LCT: variants seen among roughly 807,000 people sequenced by gnomAD.
LCT encodes the protein lactase, also known as lactase/phlorizin hydrolase.
A neutral mutation model predicts 173.0 loss-of-function variants in LCT; 90 were observed. That is an observed-to-expected ratio of 0.52 (90% CI 0.44 to 0.62). The LOEUF (loss-of-function observed/expected upper bound fraction) is 0.62. Ranked by LOEUF, LCT falls within the 20% of genes least tolerant of loss-of-function variation. The probability of loss-of-function intolerance (pLI) is 0.00; values close to 1 mark genes in which losing one functional copy is unlikely to be tolerated. For synonymous variants in LCT, 853 were observed against 957.6 expected, an observed-to-expected ratio of 0.89 and a Z score of 2.02; for missense variants, 1,864 against 2,431.4, an observed-to-expected ratio of 0.77 and a Z score of 4.91.
In LCT at chr2:135,829,635, G is replaced by A; in HGVS notation, c.762C>T (p.Cys254=). The A allele has an allele frequency of 6.2e-7, 1 of 1,613,860 alleles. No homozygotes were observed. The highest frequency in any genetic ancestry group is 8.5e-7 in the Non-Finnish European group (1 of 1,179,788). The change falls in exon 3 of 17, where the codon TGC becomes TGT. Residue 254 remains cysteine (C), a synonymous_variant. Transcript: ENST00000264162. ...TCTGCCGCAGACTTGCCTCATTTTG[G>A]CATTCATAAGACAAATCAAGAGAGA... ...DFLSLDLSYE[C]QNEASLRQKL...
chr2:135,823,303 T>C lies in LCT; in HGVS notation c.907+598A>G, dbSNP rs192152892. ...GTGACTGCCAGCCTCAATGCTATCA[T>C]AGACCCCACCTTTCCCCTGACTTGA... On this transcript the variant is annotated intron_variant, in intron 4 of 16. Coordinates refer to ENST00000264162, the MANE Select transcript of LCT (RefSeq NM_002299.4). Among the ~76,000 whole-genome samples the C allele has an allele frequency of 9.9e-4, 151 of 152,270 alleles. 2 individuals carry two copies. Among genetic ancestry groups the C allele is most frequent in the Admixed American group, 5.6e-3 (85 of 15,294 alleles).
chr2:135,793,971 CAAAAAAAA>C (rs34100426), intron 14 of LCT, among the ~76,000 whole-genome samples: 3 of 124,232 alleles, frequency 2.4e-5, no homozygotes, highest in South Asian at 2.6e-4. Context: ...TGCTAAAATA[CAAAAAAAA>C]AAAAAAAAAA....
intron 12 of LCT, among the ~76,000 whole-genome samples, chr2:135,799,883 G>A (rs2077611770): frequency 6.6e-6 from 1 of 152,220 alleles, no homozygotes; most frequent in South Asian, 2.1e-4. Flanking sequence ...TTTAAGAAAT[G>A]CCTAGGCTGG....
intron 13 of LCT, 61 bp downstream of exon 13, chr2:135,797,968 G>C: frequency 1.1e-6 from 1 of 921,148 alleles, no homozygotes. Context: ...TAACTTGCCC[G>C]AGACATGCCT....
At chr2:135,835,416 T>C (rs2077977800) in intron 1 of LCT, among the ~76,000 whole-genome samples, 1 of 145,790 alleles carries the variant, frequency 6.9e-6, no homozygotes, top group Non-Finnish European at 1.5e-5. Context: ...CATGCCTGGC[T>C]CAAGTTTTTA....
chr2:135,794,010 C>T (rs1318980841), intron 14 of LCT, among the ~76,000 whole-genome samples: 4 of 150,176 alleles, frequency 2.7e-5, no homozygotes, highest in African/African-American at 7.3e-5. Flanking sequence ...CGTGGAGGTA[C>T]GCGCCTGTAA....
At position 135,805,066 on chromosome 2, in the gene LCT, G is replaced by A. The variant is rs142467054; in HGVS notation, c.4174-9C>T. 153 of 1,613,828 alleles carry A rather than the reference G, an allele frequency of 9.5e-5. No homozygotes were observed. The highest frequency in any genetic ancestry group is 3.7e-4 in the African/African-American group (28 of 75,044). On this transcript the variant is annotated splice_polypyrimidine_tract_variant and intron_variant, in intron 9 of 16. Coordinates refer to ENST00000264162, the MANE Select transcript of LCT (RefSeq NM_002299.4). The stretch of plus-strand genomic sequence containing the variant: ...CTCCACGCACCTTCAATCTCAAGAT[G>A]ACAAGACATGGTCTTATTAAGTCAT...
chr2:135,833,889 C>T (rs2077961691), intron 1 of LCT, among the ~76,000 whole-genome samples: 1 of 152,178 alleles, frequency 6.6e-6, no homozygotes, highest in Admixed American at 6.5e-5. Flanking sequence ...TACCCCAGCC[C>T]CTGGCCTCTG....
At position 135,808,964 on chromosome 2, in the gene LCT, C is replaced by T. The variant is rs1265175689; in HGVS notation, c.3383G>A (p.Trp1128Ter). 6.2e-7 allele frequency: 1 copy of T among 1,613,476 alleles called. No homozygotes were observed. The highest frequency in any genetic ancestry group is 1.3e-5 in the African/African-American group (1 of 74,922). The change falls in exon 8 of 17, where the codon TGG becomes TAG. Residue 1128 changes from tryptophan (W) to a stop codon, truncating the protein, a stop_gained. Coordinates refer to ENST00000264162, the MANE Select transcript of LCT (RefSeq NM_002299.4). LOFTEE classifies it high-confidence loss of function. ...GVISLSLSTH[W>*]AEPKSPGVPR... ...GACCCCTGGTGACTTGGGCTCTGCC[C>T]AGTGTGTACTGAGGCTCAGCGAGAT...
chr2:135,822,636 C>T (rs2077843998), intron 4 of LCT: 1 of 167,676 alleles, frequency 6.0e-6, no homozygotes. Context: ...TTCAGATAAG[C>T]ATTATTAAAT....
intron 3 of LCT, among the ~76,000 whole-genome samples, chr2:135,824,680 T>G (rs556086748): frequency 7.9e-5 from 12 of 152,312 alleles, no homozygotes; most frequent in African/African-American, 2.9e-4. Flanking sequence ...TTTTTACTTT[T>G]GGATGTTAGA....
rs940172090 is a variant in LCT at position 135,808,708 on chromosome 2, G to A, written c.3639C>T (p.Ile1213=). Residue 1213 remains isoleucine, a synonymous_variant, in exon 8 of 17, where the codon ATC becomes ATT. Coordinates refer to ENST00000264162, the MANE Select transcript of LCT (RefSeq NM_002299.4). ...TTAGCCTGGGTGTTTTGTGCTGCACGATTCTGGAGTAGTACGTGTTGAGGC... is the reference window on the plus strand; with the variant it reads ...TTAGCCTGGGTGTTTTGTGCTGCACAATTCTGGAGTAGTACGTGTTGAGGC... The part of the protein sequence containing the change: ...VFCLNTYYSR[I]VQHKTPRLNP... 5 of 1,614,186 alleles carry A rather than the reference G, an allele frequency of 3.1e-6. No homozygotes were observed. Among genetic ancestry groups the A allele is most frequent in the East Asian group, 2.2e-5 (1 of 44,882 alleles).
rs1198586467 is a variant in LCT, at chr2:135,809,015, TTCTCA to T, written c.3327_3331del (p.Asp1109GlufsTer34). 3.1e-6 allele frequency: 5 copies of T among 1,611,482 alleles called. No individual in the cohort carries two copies. Among genetic ancestry groups the T allele is most frequent in the Non-Finnish European group, 3.4e-6 (4 of 1,178,160 alleles). On this transcript the variant is annotated frameshift_variant, in exon 8 of 17. Transcript: ENST00000264162. LOFTEE classifies it high-confidence loss of function. This position sits in a 1 kb window ranked among gnomAD's most constrained non-coding sequence, Gnocchi z 5.5. ...GACCCCCTTCTGCTCCTGCCTGTAT[TTCTCA>T]TCGTACGTGTGATAGACTCTGGCAT...
At position 135,788,072 on chromosome 2, in the gene LCT, T is replaced by C. The variant is rs540555930; in HGVS notation, c.*252A>G. 6 of 526,486 alleles carry C rather than the reference T, an allele frequency of 1.1e-5. No individual in the cohort carries two copies. In the East Asian group the frequency reaches 2.1e-4, roughly 18 times the overall value. 32.6% of individuals were successfully genotyped at this position (526,486 alleles called of 1,614,324 possible). ...GGTTCACAGACCCACTAGACCAGTA[T>C]CTACACGTTTCCGCAAGAGCTACTT... On this transcript the variant is annotated 3_prime_UTR_variant, in exon 17 of 17. Coordinates refer to ENST00000264162, the MANE Select transcript of LCT (RefSeq NM_002299.4).
chr2:135,812,825 C>A lies in LCT; in HGVS notation c.1839G>T (p.Arg613Ser). 1.2e-6 allele frequency: 2 copies of A among 1,614,210 alleles called. No individual in the cohort carries two copies. Among genetic ancestry groups the A allele is most frequent in the Non-Finnish European group, 1.7e-6 (2 of 1,180,042 alleles). Residue 613 changes from arginine to serine, a missense_variant, in exon 7 of 17, where the codon AGG (arginine) becomes AGT (serine). By Grantham distance (110) the Arg-to-Ser change is moderately radical. Transcript: ENST00000264162. ...GCTCAGAGGCTCTCAGGTCCTCAGG[C>A]CTCTCTGGAGACAGGGGTTCTGCCC... is the stretch of plus-strand genomic sequence containing the variant. Reference protein sequence around the residue: ...SDWAEPLSPERPEDLRASERF... With the variant: ...SDWAEPLSPESPEDLRASERF...
At position 135,809,287 on chromosome 2, in the gene LCT, A is replaced by G. The variant is rs1263459158; in HGVS notation, c.3060T>C (p.His1020=). 6 of 1,614,140 alleles carry G rather than the reference A, an allele frequency of 3.7e-6. No homozygotes were observed. The highest frequency in any genetic ancestry group is 2.5e-6 in the Non-Finnish European group (3 of 1,179,950). The part of the protein sequence containing the change: ...SNIFPMVTLF[H]WDLPQALQDI... ...CCTGGAGGGCCTGGGGCAGGTCCCA[A>G]TGGAACAATGTCACCATGGGAAAGA... is the stretch of plus-strand genomic sequence containing the variant. Residue 1020 remains histidine, a synonymous_variant, in exon 8 of 17, where the codon CAT becomes CAC. Coordinates refer to ENST00000264162, the MANE Select transcript of LCT (RefSeq NM_002299.4). The surrounding 1 kb of genome is among the most constrained non-coding windows in gnomAD (Gnocchi z 5.5).
rs2077507355 is a variant in LCT, at chr2:135,788,272, A to C, written c.*52T>G. On this transcript the variant is annotated 3_prime_UTR_variant, in exon 17 of 17. Coordinates refer to ENST00000264162, the MANE Select transcript of LCT (RefSeq NM_002299.4). ...ACCCTAAGGTGTTTGGTGGCCGGTA[A>C]ACATAGATGAAGAAACTAGGCCTGC... 7 of 1,339,834 alleles carry C rather than the reference A, an allele frequency of 5.2e-6. No homozygotes were observed. The highest frequency in any genetic ancestry group is 7.5e-6 in the Non-Finnish European group (7 of 938,278). 83.0% of individuals were successfully genotyped at this position (1,339,834 alleles called of 1,614,324 possible).
Position 135,808,692 on chromosome 2 carries a change from G to A in LCT, c.3655C>T (p.Pro1219Ser), listed in dbSNP as rs138785223. The A allele has an allele frequency of 1.4e-4, 224 of 1,614,202 alleles. No individual in the cohort carries two copies. Among genetic ancestry groups the A allele is most frequent in the Non-Finnish European group, 1.8e-4 (209 of 1,180,026 alleles). The change falls in exon 8 of 17, where the codon CCC becomes TCC. Residue 1219 changes from proline (P) to serine (S), a missense_variant. This residue lies in a region of LCT where 755 missense variants were observed against 926.3 expected (regional missense o/e 0.82). Transcript: ENST00000264162. Reference protein sequence around the residue: ...YYSRIVQHKTPRLNPPSYEDD... With the variant: ...YYSRIVQHKTSRLNPPSYEDD... ...TCGTAGGAGGGTGGGTTTAGCCTGG[G>A]TGTTTTGTGCTGCACGATTCTGGAG...
Position 135,809,435 on chromosome 2 carries a change from A to C in LCT, c.2912T>G (p.Val971Gly), listed in dbSNP as rs1303657706. 1 of 1,614,224 alleles carries C rather than the reference A, an allele frequency of 6.2e-7. No individual in the cohort carries two copies. Among genetic ancestry groups the C allele is most frequent in the African/African-American group, 1.3e-5 (1 of 75,062 alleles). The change falls in exon 8 of 17, where the codon GTG becomes GGG. Residue 971 changes from valine (V) to glycine (G), a missense_variant. By Grantham distance (109) the Val-to-Gly change is moderately radical (BLOSUM62 -3). This residue lies in a region of LCT where 755 missense variants were observed against 926.3 expected (regional missense o/e 0.82). Coordinates refer to ENST00000264162, the MANE Select transcript of LCT (RefSeq NM_002299.4). This position sits in a 1 kb window ranked among gnomAD's most constrained non-coding sequence, Gnocchi z 5.5. ...GGAGATAGAGAAGCGGTAGGCCTTC[A>C]CCTTCAAAGCTCGGAGCATATTCAG... The part of the protein sequence containing the change: ...ADLNMLRALK[V>G]KAYRFSISWS...
Sources: gnomAD v4.1 joint callset for allele counts (sites outside exome capture counted in the v4.1 genomes callset) on GRCh38, gnomAD v4.1.1 for gene constraint, gnomAD v4.1.1 regional missense constraint, Gnocchi (gnomAD v3.1) non-coding constraint, MANE v1.5 for transcripts, NCBI Gene and HGNC (gene_info 2026-07-23, HGNC 2026-07-21) for gene names.